Variants in ORAI2 observed in about 807,000 individuals in gnomAD.
ORAI2 encodes the protein protein orai-2.
A neutral mutation model predicts 16.2 loss-of-function variants in ORAI2; 10 were observed. The observed-to-expected ratio is 0.62, with a 90% CI of 0.38 to 1.04. The LOEUF (loss-of-function observed/expected upper bound fraction) is 1.04. Ranked by LOEUF, ORAI2 falls within the 50% of genes least tolerant of loss-of-function variation. The probability of loss-of-function intolerance (pLI) is 0.01; values close to 1 mark genes in which losing one functional copy is unlikely to be tolerated. For synonymous variants in ORAI2, 150 were observed against 157.5 expected (o/e 0.95, Z 0.35); for missense variants, 238 against 355.5 (o/e 0.67, Z 2.66).
chr7:102,445,667 G>A (rs1797332837), intron 3 of ORAI2, among the ~76,000 whole-genome samples: 3 of 151,974 alleles, frequency 2.0e-5, no homozygotes, highest in South Asian at 4.1e-4. Context: ...CCAGGCTGGA[G>A]TGCAGTGGTG....
rs889401018 is a variant in ORAI2 at position 102,444,235 on chromosome 7, TTTTTA to T, written c.226-2259_226-2255del. 6.6e-5 allele frequency among the ~76,000 whole-genome samples: 10 copies of T among 152,022 alleles called. No individual in the cohort carries two copies. The East Asian group carries it at 1.5e-3, about 23-fold the overall frequency. ...CCGGGGCCCAGCCTTGTGAGTTATT[TTTTTA>T]TTTTATTTTATTTTATTTATTTATT... On this transcript the variant is annotated intron_variant, in intron 3 of 3. Coordinates refer to ENST00000495936, the MANE Select transcript of ORAI2 (RefSeq NM_001126340.3).
At chr7:102,443,119 CTTCTTCTTCTTCTT>C (rs1406529520) in intron 3 of ORAI2, among the ~76,000 whole-genome samples, 1,615 of 88,136 alleles carry the variant, frequency 0.018, 27 homozygotes, top group African/African-American at 0.044. Context: ...TCTTCTTCTT[CTTCTTCTTCTTCTT>C]TTTTTTTTTT....
intron 3 of ORAI2, among the ~76,000 whole-genome samples, chr7:102,441,183 G>A (rs1430336772): frequency 6.7e-6 from 1 of 150,020 alleles, no homozygotes; most frequent in Non-Finnish European, 1.5e-5. Flanking sequence ...AGGAGCCACC[G>A]TGCCCAGCCT....
Position 102,436,293 on chromosome 7 carries a change from T to C in ORAI2, c.-54T>C. ...CTGGCTGCGGATGTGCGCAAGGAGATGGGATGGAGAGCCTGAGTTGGCATT... is the reference window on the plus strand; with the variant it reads ...CTGGCTGCGGATGTGCGCAAGGAGACGGGATGGAGAGCCTGAGTTGGCATT... On this transcript the variant is annotated 5_prime_UTR_variant, in exon 2 of 4. An upstream start codon of the reference 5' UTR is lost. Transcript: ENST00000495936. 1 of 985,562 alleles carries C rather than the reference T, an allele frequency of 1.0e-6. No individual in the cohort carries two copies. Among genetic ancestry groups the C allele is most frequent in the African/African-American group, 1.7e-5 (1 of 57,326 alleles). 61.1% of individuals were successfully genotyped at this position (985,562 alleles called of 1,614,324 possible).
intron 3 of ORAI2, among the ~76,000 whole-genome samples, chr7:102,443,123 TTCTTCTTC>T (rs746469116): frequency 0.018 from 1,421 of 80,670 alleles, 16 homozygotes; most frequent in Non-Finnish European, 0.027. Flanking sequence ...CTTCTTCTTC[TTCTTCTTC>T]TTTTTTTTTT....
chr7:102,447,041 C>T lies in ORAI2; in HGVS notation c.754C>T (p.Gln252Ter), dbSNP rs757418933. ...GCTGGACGGGCATGAGCGCAGCCTG[C>T]AGGTCTTGTGAGGGGCCGAGGGCCG... ...VQLDGHERSL[Q>*]VL is the part of the protein sequence containing the mutation. Residue 252 changes from glutamine (Q) to a stop codon, truncating the protein, a stop_gained, in exon 4 of 4, where the codon CAG (glutamine) becomes TAG (stop). Transcript: ENST00000495936. LOFTEE classifies it high-confidence loss of function. The T allele has an allele frequency of 1.9e-6, 3 of 1,543,288 alleles. No individual in the cohort carries two copies. The highest frequency in any genetic ancestry group is 1.4e-5 in the African/African-American group (1 of 73,174).
chr7:102,447,177 AATACC>A lies in ORAI2; in HGVS notation c.*129_*133del. 9.4e-7 allele frequency: 1 copy of A among 1,059,872 alleles called. No homozygotes were observed. Among genetic ancestry groups the A allele is most frequent in the Non-Finnish European group, 1.3e-6 (1 of 756,622 alleles). The allele number at this position is 1,059,872 out of a possible 1,614,324, so 65.7% of individuals were successfully genotyped here. ...AAGACCAAAGTTTTCCTCTTGTCTT[AATACC>A]ATAAGGACTGGATGACTTCTCCTGA... On this transcript the variant is annotated 3_prime_UTR_variant, in exon 4 of 4. Transcript: ENST00000495936.
chr7:102,440,846 C>G (rs1190422133), intron 3 of ORAI2, among the ~76,000 whole-genome samples: 2 of 151,294 alleles, frequency 1.3e-5, no homozygotes, highest in African/African-American at 2.4e-5. Context: ...TGCACCTTGT[C>G]CAGCCTGTTT....
rs1420905341 is a variant in ORAI2 at position 102,446,785 on chromosome 7, G to A, written c.498G>A (p.Val166=). 6.2e-7 allele frequency: 1 copy of A among 1,614,048 alleles called. No homozygotes were observed. Among genetic ancestry groups the A allele is most frequent in the Non-Finnish European group, 8.5e-7 (1 of 1,180,056 alleles). The change falls in exon 4 of 4, where the codon GTG becomes GTA. Residue 166 remains valine (V), a synonymous_variant. Transcript: ENST00000495936. ...LGILLFLAEV[V]LLCWIKFLPV... ...TCCTACTCTTCCTGGCCGAGGTGGTGCTGCTCTGCTGGATCAAGTTCCTCC... is the reference window on the plus strand; with the variant it reads ...TCCTACTCTTCCTGGCCGAGGTGGTACTGCTCTGCTGGATCAAGTTCCTCC...
rs1012515396 is a variant in ORAI2, at chr7:102,452,837, T to G, written c.*5785T>G. 6.6e-6 allele frequency: 1 copy of G among 152,118 alleles called. No individual in the cohort carries two copies. Among genetic ancestry groups the G allele is most frequent in the African/African-American group, 2.4e-5 (1 of 41,380 alleles). The allele number at this position is 152,118 out of a possible 1,614,324, so 9.4% of individuals were successfully genotyped here. ...GTTTTGTTTTGTTTTTTTGAAACAGTCTCTCTCTGTCTCCCAGGCTGGAGT... is the reference window on the plus strand; with the variant it reads ...GTTTTGTTTTGTTTTTTTGAAACAGGCTCTCTCTGTCTCCCAGGCTGGAGT... On this transcript the variant is annotated 3_prime_UTR_variant, in exon 4 of 4. Coordinates refer to ENST00000495936, the MANE Select transcript of ORAI2 (RefSeq NM_001126340.3).
In ORAI2 at chr7:102,450,990, C is replaced by G. The variant is rs1797504909; in HGVS notation, c.*3938C>G. ...CAGAGGTGGGCGGATCGCCTGAGAT[C>G]AGGAGTTCGAGACCAGCCTGGCCCA... On this transcript the variant is annotated 3_prime_UTR_variant, in exon 4 of 4. Transcript: ENST00000495936. 6.6e-6 allele frequency: 1 copy of G among 152,280 alleles called. No homozygotes were observed. Among genetic ancestry groups the G allele is most frequent in the Admixed American group, 6.6e-5 (1 of 15,264 alleles). 9.4% of individuals were successfully genotyped at this position (152,280 alleles called of 1,614,324 possible). A position where few individuals can be genotyped will look rare whatever the true frequency, so the allele number is the denominator to read the frequency against.
rs554189574 is a variant in ORAI2, at chr7:102,442,320, C to T, written c.225+3139C>T. On this transcript the variant is annotated intron_variant, in intron 3 of 3. Transcript: ENST00000495936. ...ATAATCCCAGCACTTTGGGAGGCCA[C>T]GGTGAGCAGATCACTTGAGGTCAGG... 9.9e-5 allele frequency among the ~76,000 whole-genome samples: 15 copies of T among 152,006 alleles called. 1 individual carries two copies. The South Asian group carries it at 1.9e-3, about 19-fold the overall frequency.
chr7:102,439,264 C>T (rs1044589587), intron 3 of ORAI2, 83 bp downstream of exon 3: 29 of 1,168,350 alleles, frequency 2.5e-5, no homozygotes, highest in Non-Finnish European at 8.6e-6. Flanking sequence ...GGGACCAGAG[C>T]CTTCCCTCCA....
chr7:102,443,125 CTTCTTCTT>C (rs1245751750), intron 3 of ORAI2, among the ~76,000 whole-genome samples: 1,420 of 26,422 alleles, frequency 0.054, 9 homozygotes, highest in African/African-American at 0.064. Context: ...TCTTCTTCTT[CTTCTTCTT>C]TTTTTTTTTT....
intron 3 of ORAI2, among the ~76,000 whole-genome samples, chr7:102,443,124 T>A (rs1447725730): frequency 1.6e-5 from 1 of 63,172 alleles, no homozygotes; most frequent in African/African-American, 4.9e-5. Context: ...TTCTTCTTCT[T>A]CTTCTTCTTT....
intron 1 of ORAI2, among the ~76,000 whole-genome samples, chr7:102,434,985 A>G (rs756397298): frequency 1.3e-5 from 2 of 152,162 alleles, no homozygotes; most frequent in Non-Finnish European, 2.9e-5. Flanking sequence ...AATTCTTTTT[A>G]GAGGCCAGGC....
chr7:102,450,931 T>TG lies in ORAI2; in HGVS notation c.*3881dup, dbSNP rs1336819933. 3 of 152,246 alleles carry TG rather than the reference T, an allele frequency of 2.0e-5. No individual in the cohort carries two copies. The highest frequency in any genetic ancestry group is 7.2e-5 in the African/African-American group (3 of 41,456). 9.4% of individuals were successfully genotyped at this position (152,246 alleles called of 1,614,324 possible). On this transcript the variant is annotated 3_prime_UTR_variant, in exon 4 of 4. Coordinates refer to ENST00000495936, the MANE Select transcript of ORAI2 (RefSeq NM_001126340.3). Reference sequence around the variant, plus strand: ...ACAGAGGGCTCCAGACCAGGTGTGGTGGCTCACATCTGTAATCCCAGCACT... The same window carrying TG: ...ACAGAGGGCTCCAGACCAGGTGTGGTGGGCTCACATCTGTAATCCCAGCACT...
Position 102,450,412 on chromosome 7 carries a change from C to G in ORAI2, c.*3360C>G, listed in dbSNP as rs917701217. 2 of 152,454 alleles carry G rather than the reference C, an allele frequency of 1.3e-5. No individual in the cohort carries two copies. Among genetic ancestry groups the G allele is most frequent in the African/African-American group, 4.8e-5 (2 of 41,460 alleles). The allele number at this position is 152,454 out of a possible 1,614,324, so 9.4% of individuals were successfully genotyped here. A position where few individuals can be genotyped will look rare whatever the true frequency, so the allele number is the denominator to read the frequency against. On this transcript the variant is annotated 3_prime_UTR_variant, in exon 4 of 4. Coordinates refer to ENST00000495936, the MANE Select transcript of ORAI2 (RefSeq NM_001126340.3). Reference sequence around the variant, plus strand: ...CTACCTTCCTGGACCATCTGTGCCCCTGCCCACGCAGTACCACACTCCCCA... The same window carrying G: ...CTACCTTCCTGGACCATCTGTGCCCGTGCCCACGCAGTACCACACTCCCCA...
In ORAI2 at chr7:102,446,592, C is replaced by T. The variant is rs1225362740; in HGVS notation, c.305C>T (p.Thr102Met). 3.7e-6 allele frequency: 6 copies of T among 1,613,576 alleles called. No individual in the cohort carries two copies. Among genetic ancestry groups the T allele is most frequent in the Admixed American group, 3.3e-5 (2 of 60,012 alleles). ...PLLIAFSACT[T>M]VLVAVHLFAL... ...CTGATTGCCTTCAGCGCCTGCACCA[C>T]GGTGCTGGTGGCCGTGCACCTGTTC... The change falls in exon 4 of 4, where the codon ACG becomes ATG. Residue 102 changes from threonine (T) to methionine (M), a missense_variant. By Grantham distance (81) the Thr-to-Met change is moderately conservative (BLOSUM62 -1). Transcript: ENST00000495936.
Sources: allele counts gnomAD v4.1 joint callset (sites outside exome capture counted in the v4.1 genomes callset), GRCh38; gene constraint gnomAD v4.1.1; transcripts MANE v1.5; gene names NCBI Gene and HGNC (gene_info 2026-07-23, HGNC 2026-07-21).